Variants in SMARCD3 observed in about 807,000 individuals in gnomAD.
SMARCD3 encodes the protein SWI/SNF related BAF chromatin remodeling complex subunit D3.
A neutral mutation model predicts 58.0 loss-of-function variants in SMARCD3; 14 were observed. That is an observed-to-expected ratio of 0.24 (90% confidence interval 0.16 to 0.38). The LOEUF is 0.38. Ranked by LOEUF, SMARCD3 falls within the 10% of genes least tolerant of loss-of-function variation. SMARCD3 has a pLI of 1.00. For synonymous variants in SMARCD3, 253 were observed against 253.8 expected, an observed-to-expected ratio of 1.00 and a Z score of 0.03; for missense variants, 408 against 636.9, an observed-to-expected ratio of 0.64 and a Z score of 3.87.
At position 151,248,036 on chromosome 7, in the gene SMARCD3, C is replaced by A. The variant is rs1444750915; in HGVS notation, c.78+449G>T. On this transcript the variant is annotated intron_variant, in intron 1 of 12. Coordinates refer to ENST00000262188, the MANE Select transcript of SMARCD3 (RefSeq NM_001003801.2). The surrounding 1 kb of genome is among the most constrained non-coding windows in gnomAD (Gnocchi z 6.1). Reference sequence around the variant, plus strand: ...CCCGCTACAGTGCCTCCAGGGTCACCTGCTCCTTGCTCCGGAGACACAAGC... The same window carrying A: ...CCCGCTACAGTGCCTCCAGGGTCACATGCTCCTTGCTCCGGAGACACAAGC... Among the ~76,000 whole-genome samples the A allele has an allele frequency of 6.6e-6, 1 of 152,162 alleles. No individual in the cohort carries two copies. The highest frequency in any genetic ancestry group is 1.9e-4 in the East Asian group (1 of 5,178).
intron 8 of SMARCD3, 64 bp from the exon 9 acceptor site, chr7:151,240,586 G>T: frequency 8.2e-7 from 1 of 1,219,090 alleles, no homozygotes; most frequent in South Asian, 1.3e-5. Context: ...TGCAGTTGTA[G>T]ATCCTTTTGT....
intron 2 of SMARCD3, among the ~76,000 whole-genome samples, chr7:151,254,869 G>A (rs1803650095): frequency 6.6e-6 from 1 of 152,196 alleles, no homozygotes; most frequent in African/African-American, 2.4e-5. Context: ...CTGGGGTCTG[G>A]GTGTCACCGG....
chr7:151,245,793 GCGT>G lies in SMARCD3; in HGVS notation c.79-125_79-123del. The G allele has an allele frequency of 2.6e-6, 1 of 381,612 alleles. No homozygotes were observed. 23.6% of individuals were successfully genotyped at this position (381,612 alleles called of 1,614,324 possible). A position where few individuals can be genotyped will look rare whatever the true frequency, so the allele number is the denominator to read the frequency against. ...CCAGACCCTCGGCTGGTGACCCTGA[GCGT>G]TGAGCGATGGGTGGGAGCGATGGGT... On this transcript the variant is annotated intron_variant, in intron 1 of 12. Transcript: ENST00000262188. The surrounding 1 kb of genome is among the most constrained non-coding windows in gnomAD (Gnocchi z 6.2).
In SMARCD3 at chr7:151,248,475, C is replaced by T; in HGVS notation, c.78+10G>A. On this transcript the variant is annotated intron_variant, in intron 1 of 12. Transcript: ENST00000262188. This position sits in a 1 kb window ranked among gnomAD's most constrained non-coding sequence, Gnocchi z 6.1. ...CGCTTGCCCTCCCCCGCTAACTTTC[C>T]CCCACTCACCACCCCATGGACCAGA... The T allele has an allele frequency of 6.2e-7, 1 of 1,608,486 alleles. No homozygotes were observed. Among genetic ancestry groups the T allele is most frequent in the Non-Finnish European group, 8.5e-7 (1 of 1,175,586 alleles).
chr7:151,243,829 C>T lies in SMARCD3; in HGVS notation c.291-128G>A, dbSNP rs937985251. On this transcript the variant is annotated intron_variant, in intron 2 of 12. Coordinates refer to ENST00000262188, the MANE Select transcript of SMARCD3 (RefSeq NM_001003801.2). This position sits in a 1 kb window ranked among gnomAD's most constrained non-coding sequence, Gnocchi z 4.4. ...GGTTCCCACAGCCCACTTGTCTGCC[C>T]GCCCAAGGGCTGTGACGGTGGTGTG... 17 of 761,942 alleles carry T rather than the reference C, an allele frequency of 2.2e-5. No homozygotes were observed. Among genetic ancestry groups the T allele is most frequent in the Middle Eastern group, 4.8e-4 (2 of 4,208 alleles). 47.2% of individuals were successfully genotyped at this position (761,942 alleles called of 1,614,324 possible). A position where few individuals can be genotyped will look rare whatever the true frequency, so the allele number is the denominator to read the frequency against.
At position 151,242,370 on chromosome 7, in the gene SMARCD3, T is replaced by G; in HGVS notation, c.579+111A>C. On this transcript the variant is annotated intron_variant, in intron 5 of 12. Transcript: ENST00000262188. This position sits in a 1 kb window ranked among gnomAD's most constrained non-coding sequence, Gnocchi z 4.7. Reference sequence around the variant, plus strand: ...CTTGGAATGTCTCTAGGCCTGCCCCTCCACCCAGCCTGGGCTGACTCCCTA... The same window carrying G: ...CTTGGAATGTCTCTAGGCCTGCCCCGCCACCCAGCCTGGGCTGACTCCCTA... 6.7e-7 allele frequency: 1 copy of G among 1,501,046 alleles called. No individual in the cohort carries two copies. Among genetic ancestry groups the G allele is most frequent in the Non-Finnish European group, 9.2e-7 (1 of 1,087,864 alleles). The allele number at this position is 1,501,046 out of a possible 1,614,324, so 93.0% of individuals were successfully genotyped here.
In SMARCD3 at chr7:151,261,510, G is replaced by T. The variant is rs190944600; in HGVS notation, c.39+13604C>A. Among the ~76,000 whole-genome samples, 42 of 152,310 alleles carry T rather than the reference G, an allele frequency of 2.8e-4. No individual in the cohort carries two copies. The South Asian group carries it at 3.9e-3, about 14-fold the overall frequency. On this transcript the variant is annotated intron_variant, in intron 2 of 13. Transcript: ENST00000356800. ...ATCTGCAAAACTGGGGGTCCCTCAC[G>T]TGATGCATGGGTGGATGTGAAGATT...
At position 151,248,688 on chromosome 7, in the gene SMARCD3, G is replaced by T; in HGVS notation, c.-126C>A. On this transcript the variant is annotated 5_prime_UTR_variant, in exon 1 of 13. Coordinates refer to ENST00000262188, the MANE Select transcript of SMARCD3 (RefSeq NM_001003801.2). The surrounding 1 kb of genome is among the most constrained non-coding windows in gnomAD (Gnocchi z 6.1). ...TGGGCTCTCTCACACTTCTACTCGA[G>T]CGGAGTGGGGAGGGGGCCCCTTCAG... 7.0e-7 allele frequency: 1 copy of T among 1,419,688 alleles called. No homozygotes were observed. 87.9% of individuals were successfully genotyped at this position (1,419,688 alleles called of 1,614,324 possible). A position where few individuals can be genotyped will look rare whatever the true frequency, so the allele number is the denominator to read the frequency against.
chr7:151,249,816 C>G (rs1220096062), upstream of SMARCD3, among the ~76,000 whole-genome samples: 1 of 151,708 alleles, frequency 6.6e-6, no homozygotes, highest in African/African-American at 2.4e-5. The surrounding 1 kb of genome is among the most constrained non-coding windows in gnomAD (Gnocchi z 4.8). Flanking sequence ...AAGGAGTTGG[C>G]AGTCCCTGGA....
chr7:151,248,852 G>A (rs981949466), upstream of SMARCD3: 2 of 219,570 alleles, frequency 9.1e-6, no homozygotes, highest in South Asian at 1.4e-4. The surrounding 1 kb of genome is among the most constrained non-coding windows in gnomAD (Gnocchi z 6.1). Flanking sequence ...CGGCGGGGAC[G>A]GGGCCGCCTG....
At chr7:151,240,073 G>A (rs1158271075) in intron 10 of SMARCD3, 39 bp downstream of exon 10, 3 of 1,610,514 alleles carry the variant, frequency 1.9e-6, no homozygotes, top group African/African-American at 1.3e-5. Context: ...TATCATCTCT[G>A]GGTTAATGTC....
At position 151,241,970 on chromosome 7, in the gene SMARCD3, C is replaced by G. The variant is rs150943727; in HGVS notation, c.684G>C (p.Arg228=). The change falls in exon 7 of 13, where the codon CGG becomes CGC. Residue 228 remains arginine (R), a synonymous_variant. Coordinates refer to ENST00000262188, the MANE Select transcript of SMARCD3 (RefSeq NM_001003801.2). This position sits in a 1 kb window ranked among gnomAD's most constrained non-coding sequence, Gnocchi z 5.3. ...CGTCCGTCTCCTGGGTCGTGGGTGT[C>G]CGATGCCACTGTCCAGGAGAGAAGA... ...GPDNHLVEWH[R]TPTTQETDGF... is the part of the protein sequence containing the mutation. 3.5e-5 allele frequency: 57 copies of G among 1,611,418 alleles called. No individual in the cohort carries two copies. The African/African-American group carries it at 6.7e-4, about 19-fold the overall frequency.
chr7:151,263,292 G>A (rs1803975956), intron 2 of SMARCD3, among the ~76,000 whole-genome samples: 1 of 151,998 alleles, frequency 6.6e-6, no homozygotes, highest in Non-Finnish European at 1.5e-5. Flanking sequence ...GGTGTTCTGA[G>A]GGATCTAAAT....
upstream of SMARCD3, chr7:151,248,740 G>A: frequency 8.7e-6 from 10 of 1,151,240 alleles, no homozygotes; most frequent in South Asian, 1.7e-4. The surrounding 1 kb of genome is among the most constrained non-coding windows in gnomAD (Gnocchi z 6.1). Flanking sequence ...CACGGCCCAC[G>A]CCGCCGCCGC....
intron 2 of SMARCD3, among the ~76,000 whole-genome samples, chr7:151,254,895 A>G (rs1003280791): frequency 4.6e-5 from 7 of 152,226 alleles, no homozygotes; most frequent in Non-Finnish European, 5.9e-5. Context: ...AGAGAAGTGA[A>G]TAGTTAACAA....
chr7:151,246,207 T>TCTGCTCCTCCTC lies in SMARCD3; in HGVS notation c.79-548_79-537dup, dbSNP rs1175529816. 2.6e-5 allele frequency: 4 copies of TCTGCTCCTCCTC among 153,108 alleles called. No individual in the cohort carries two copies. Among genetic ancestry groups the TCTGCTCCTCCTC allele is most frequent in the Non-Finnish European group, 4.4e-5 (3 of 68,828 alleles). 9.5% of individuals were successfully genotyped at this position (153,108 alleles called of 1,614,324 possible). On this transcript the variant is annotated intron_variant, in intron 1 of 12. Transcript: ENST00000262188. This position sits in a 1 kb window ranked among gnomAD's most constrained non-coding sequence, Gnocchi z 4.4. ...CGGTACCCGGCTCCCTGCTCCGACT[T>TCTGCTCCTCCTC]CTGCTCCTCCTCCTGCTCCTCCTTC...
At position 151,248,462 on chromosome 7, in the gene SMARCD3, C is replaced by G; in HGVS notation, c.78+23G>C. 6.3e-7 allele frequency: 1 copy of G among 1,599,592 alleles called. No homozygotes were observed. Among genetic ancestry groups the G allele is most frequent in the East Asian group, 2.2e-5 (1 of 44,534 alleles). On this transcript the variant is annotated intron_variant, in intron 1 of 12. Coordinates refer to ENST00000262188, the MANE Select transcript of SMARCD3 (RefSeq NM_001003801.2). This position sits in a 1 kb window ranked among gnomAD's most constrained non-coding sequence, Gnocchi z 6.1. ...GCCCGAGCCAGCTCGCTTGCCCTCC[C>G]CCGCTAACTTTCCCCCACTCACCAC...
At chr7:151,274,172 G>T (rs1464555781) in intron 2 of SMARCD3, among the ~76,000 whole-genome samples, 1 of 152,256 alleles carries the variant, frequency 6.6e-6, no homozygotes, top group Non-Finnish European at 1.5e-5. Flanking sequence ...AGGCCCTGAG[G>T]ACAGGGACTG....
rs576224313 is a variant in SMARCD3 at position 151,242,527 on chromosome 7, C to T, written c.533G>A (p.Ser178Asn). Residue 178 changes from serine (S) to asparagine (N), a missense_variant, in exon 5 of 13, where the codon AGC becomes AAC. Transcript: ENST00000262188. This position sits in a 1 kb window ranked among gnomAD's most constrained non-coding sequence, Gnocchi z 4.7. ...AKPDAEDSDG[S>N]IASWELRVEG... is the part of the protein sequence containing the mutation. Reference sequence around the variant, plus strand: ...CACCCGTAGCTCCCAGGAGGCAATGCTGCCGTCGGAATCCTCAGCATCAGG... The same window carrying T: ...CACCCGTAGCTCCCAGGAGGCAATGTTGCCGTCGGAATCCTCAGCATCAGG... The T allele has an allele frequency of 5.7e-5, 92 of 1,614,136 alleles. 1 individual carries two copies. The South Asian group carries it at 9.9e-4, about 17-fold the overall frequency.
Sources: allele counts gnomAD v4.1 joint callset (sites outside exome capture counted in the v4.1 genomes callset), GRCh38; gene constraint gnomAD v4.1.1; non-coding constraint Gnocchi (gnomAD v3.1); transcripts MANE v1.5; gene names NCBI Gene and HGNC (gene_info 2026-07-23, HGNC 2026-07-21).